Variants in ADAP1 observed in about 807,000 individuals in gnomAD.
The protein encoded by ADAP1 is ArfGAP with dual PH domains 1, also known as arf-GAP with dual PH domain-containing protein 1.
ADAP1 carries 31 observed loss-of-function variants against 54.9 expected under a neutral mutation model. That is an observed-to-expected ratio of 0.56 (90% CI 0.42 to 0.76). The LOEUF (loss-of-function observed/expected upper bound fraction) is 0.76. Among genes scored for constraint, ADAP1 ranks in the 30% least tolerant of loss-of-function variants. The pLI is 0.00. For missense variants in ADAP1, 535 were observed against 512.4 expected (o/e 1.04, Z -0.42); for synonymous variants, 313 against 202.6 (o/e 1.55, Z -4.63).
chr7:945,277 G>C lies in ADAP1; in HGVS notation c.82+9119C>G, dbSNP rs1847109288. ...GCCCATCGGAGCGAAAAGGGGCGGG[G>C]CACGCACTCTCAGAGACCCTCCAGG... On this transcript the variant is annotated intron_variant, in intron 1 of 10. Transcript: ENST00000265846. This position sits in a 1 kb window ranked among gnomAD's most constrained non-coding sequence, Gnocchi z 4.2. Among the ~76,000 whole-genome samples the C allele has an allele frequency of 6.6e-6, 1 of 152,236 alleles. No individual in the cohort carries two copies. Among genetic ancestry groups the C allele is most frequent in the Non-Finnish European group, 1.5e-5 (1 of 68,036 alleles).
chr7:905,403 A>AGGAGAAAG (rs1169358552), intron 4 of ADAP1: 3 of 229,612 alleles, frequency 1.3e-5, no homozygotes, highest in Middle Eastern at 1.0e-3. Flanking sequence ...GAAAGGAGAA[A>AGGAGAAAG]GGAGAAAGGG....
At chr7:935,314 G>T (rs1360872867) in intron 2 of ADAP1, 61 bp downstream of exon 2, 1 of 1,527,628 alleles carries the variant, frequency 6.5e-7, no homozygotes, top group East Asian at 2.5e-5. Flanking sequence ...TCTGGCTCCA[G>T]AGGCCCGGGC....
chr7:922,866 G>A (rs1030527179), intron 3 of ADAP1: 5 of 8,550 alleles, frequency 5.8e-4, no homozygotes, highest in East Asian at 4.5e-3. Context: ...CGCCACCCCC[G>A]CCCCCATTGT....
rs565848403 is a variant in ADAP1 at position 938,470 on chromosome 7, C to T, written c.83-2965G>A. Among the ~76,000 whole-genome samples, 1 of 152,288 alleles carries T rather than the reference C, an allele frequency of 6.6e-6. No homozygotes were observed. Among genetic ancestry groups the T allele is most frequent in the South Asian group, 2.1e-4 (1 of 4,818 alleles). On this transcript the variant is annotated intron_variant, in intron 1 of 10. Transcript: ENST00000265846. The surrounding 1 kb of genome is among the most constrained non-coding windows in gnomAD (Gnocchi z 4.4). ...GTGTTGGGATTACAGATGTGTGACG[C>T]CGTGTCTGGCCTGCAAAGTATTTAG...
intron 6 of ADAP1, among the ~76,000 whole-genome samples, chr7:903,112 G>A (rs1443127791): frequency 6.6e-6 from 1 of 152,164 alleles, no homozygotes; most frequent in African/African-American, 2.4e-5. Context: ...CCTGGTGCCC[G>A]ACTGCCTCCA....
At chr7:951,339 G>C (rs57983920) in intron 1 of ADAP1, among the ~76,000 whole-genome samples, 46,433 of 150,224 alleles carry the variant, frequency 0.31, 7,422 homozygotes, top group East Asian at 0.47. Flanking sequence ...CACCACTGCA[G>C]TCCAGCCTGG....
intron 4 of ADAP1, among the ~76,000 whole-genome samples, chr7:912,769 C>A (rs552046602): frequency 6.6e-6 from 1 of 151,768 alleles, no homozygotes; most frequent in Non-Finnish European, 1.5e-5. Context: ...GGCGCGATCT[C>A]GGCTCCCTGC....
At chr7:922,642 T>C (rs1846230800) in intron 3 of ADAP1, among the ~76,000 whole-genome samples, 1 of 152,062 alleles carries the variant, frequency 6.6e-6, no homozygotes. Context: ...TTCCACCGCA[T>C]GGAGTTCAGG....
rs1181125546 is a variant in ADAP1 at position 937,256 on chromosome 7, CCG to C, written c.83-1753_83-1752del. Among the ~76,000 whole-genome samples the C allele has an allele frequency of 5.0e-4, 18 of 35,742 alleles. 2 individuals carry two copies. Among genetic ancestry groups the C allele is most frequent in the East Asian group, 6.1e-4 (1 of 1,640 alleles). The allele number at this position is 35,742 out of a possible 152,430, so 23.4% of individuals were successfully genotyped here. A position where few individuals can be genotyped will look rare whatever the true frequency, so the allele number is the denominator to read the frequency against. ...GGCCTCTGGGATTTGGGGGTCACGC[CCG>C]ACCTCTGGGATTTGGGGGTCATGCC... On this transcript the variant is annotated intron_variant, in intron 1 of 10. Coordinates refer to ENST00000265846, the MANE Select transcript of ADAP1 (RefSeq NM_006869.4).
chr7:905,583 A>T (rs1845175734), intron 4 of ADAP1: 3 of 92,328 alleles, frequency 3.2e-5, no homozygotes, highest in African/African-American at 9.4e-5. Flanking sequence ...GAGAAAGGAG[A>T]AAGGAGAAAG....
Position 908,203 on chromosome 7 carries a change from A to G in ADAP1, c.389-3031T>C, listed in dbSNP as rs1472559653. Among the ~76,000 whole-genome samples, 5 of 152,280 alleles carry G rather than the reference A, an allele frequency of 3.3e-5. No homozygotes were observed. In the East Asian group the frequency reaches 9.6e-4, roughly 29 times the overall value. On this transcript the variant is annotated intron_variant, in intron 4 of 10. Coordinates refer to ENST00000265846, the MANE Select transcript of ADAP1 (RefSeq NM_006869.4). ...AGCCCCCTGCAGCAGCCAACAGGCC[A>G]GACAGAGGCTCAGATTGCAGACACC...
Position 905,083 on chromosome 7 carries a change from G to C in ADAP1, c.478C>G (p.Leu160Val), listed in dbSNP as rs765052479. 7 of 1,611,816 alleles carry C rather than the reference G, an allele frequency of 4.3e-6. No homozygotes were observed. The Admixed American group carries it at 6.7e-5, about 15-fold the overall frequency. Residue 160 changes from leucine (L) to valine (V), a missense_variant, in exon 5 of 11, where the codon CTG becomes GTG. Leu to Val is a conservative substitution (Grantham distance 32). Transcript: ENST00000265846. ...KFVLTEREGA[L>V]KYFNRNDAKE... Reference sequence around the variant, plus strand: ...ACATCATTTCTGTTGAAATACTTCAGAGCACCCTCTCGTTCTGTCAGCACA... The same window carrying C: ...ACATCATTTCTGTTGAAATACTTCACAGCACCCTCTCGTTCTGTCAGCACA...
intron 4 of ADAP1, among the ~76,000 whole-genome samples, chr7:906,777 GGGGACAC>G (rs1237588912): frequency 1.5e-4 from 2 of 13,778 alleles, no homozygotes; most frequent in Admixed American, 9.0e-4. Flanking sequence ...ATGGGGGACA[GGGGACAC>G]GGGGGACGGG....
Position 926,842 on chromosome 7 carries a change from G to T in ADAP1, c.214-198C>A. On this transcript the variant is annotated intron_variant, in intron 2 of 10. Transcript: ENST00000265846. The surrounding 1 kb of genome is among the most constrained non-coding windows in gnomAD (Gnocchi z 4.6). Reference sequence around the variant, plus strand: ...AGTGATCGACCCTCCCCTGGGACAGGGAAGGAGCCAGCGTCCCTAACGACG... The same window carrying T: ...AGTGATCGACCCTCCCCTGGGACAGTGAAGGAGCCAGCGTCCCTAACGACG... 2.6e-6 allele frequency: 2 copies of T among 781,020 alleles called. No individual in the cohort carries two copies. The highest frequency in any genetic ancestry group is 2.0e-5 in the South Asian group (1 of 49,266). 48.4% of individuals were successfully genotyped at this position (781,020 alleles called of 1,614,324 possible). A position where few individuals can be genotyped will look rare whatever the true frequency, so the allele number is the denominator to read the frequency against.
At chr7:917,797 C>G (rs183152840) in intron 4 of ADAP1, among the ~76,000 whole-genome samples, 1 of 152,202 alleles carries the variant, frequency 6.6e-6, no homozygotes, top group African/African-American at 2.4e-5. Context: ...TACAGACACA[C>G]TCTCGCTCTG....
chr7:953,149 C>T (rs1214106117), intron 1 of ADAP1, among the ~76,000 whole-genome samples: 1 of 152,182 alleles, frequency 6.6e-6, no homozygotes, highest in African/African-American at 2.4e-5. Context: ...AAATAAAGGT[C>T]TGTGGGGAGA....
chr7:950,586 G>A (rs1006114702), intron 1 of ADAP1, among the ~76,000 whole-genome samples: 4 of 152,156 alleles, frequency 2.6e-5, no homozygotes, highest in Non-Finnish European at 4.4e-5. Context: ...GCCAGGCACG[G>A]TGGCTCATGC....
chr7:932,104 A>C (rs1236345744), intron 2 of ADAP1, among the ~76,000 whole-genome samples: 1 of 152,218 alleles, frequency 6.6e-6, no homozygotes, highest in African/African-American at 2.4e-5. Flanking sequence ...CCTGAGATTC[A>C]TCTTTGGTTT....
At position 954,582 on chromosome 7, in the gene ADAP1, A is replaced by C; in HGVS notation, c.-105T>G. 1 of 985,028 alleles carries C rather than the reference A, an allele frequency of 1.0e-6. No individual in the cohort carries two copies. The highest frequency in any genetic ancestry group is 1.2e-6 in the Non-Finnish European group (1 of 831,370). 61.0% of individuals were successfully genotyped at this position (985,028 alleles called of 1,614,324 possible). A position where few individuals can be genotyped will look rare whatever the true frequency, so the allele number is the denominator to read the frequency against. On this transcript the variant is annotated 5_prime_UTR_variant, in exon 1 of 11. An upstream start codon of the reference 5' UTR is lost. Transcript: ENST00000265846. Reference sequence around the variant, plus strand: ...CGCCCGCCGCCGCCGCCCCTGCGCCATCCCGGGCGGCCTCAGCCCGCGCGC... The same window carrying C: ...CGCCCGCCGCCGCCGCCCCTGCGCCCTCCCGGGCGGCCTCAGCCCGCGCGC...
Sources: gnomAD v4.1 joint callset for allele counts (sites outside exome capture counted in the v4.1 genomes callset) on GRCh38, gnomAD v4.1.1 for gene constraint, Gnocchi (gnomAD v3.1) non-coding constraint, MANE v1.5 for transcripts, NCBI Gene and HGNC (gene_info 2026-07-23, HGNC 2026-07-21) for gene names.